LRCH1: variants seen among roughly 807,000 people sequenced by gnomAD.
LRCH1 encodes leucine-rich repeat and calponin homology domain-containing protein 1.
Under a neutral mutation model 94.9 loss-of-function variants are expected in LRCH1, and 23 were observed. That is an observed-to-expected ratio of 0.24 (90% confidence interval 0.17 to 0.34). The LOEUF is 0.34. LRCH1 is among the 10% of genes least tolerant of loss of function. The pLI is 1.00. For synonymous variants in LRCH1, 364 were observed against 354.9 expected (o/e 1.03, Z -0.29); for missense variants, 790 against 945.9 (o/e 0.84, Z 2.16).
intron 4 of LRCH1, 119 bp downstream of exon 4, chr13:46,681,965 T>TGTGTGTGTGC (rs1188518112): frequency 4.1e-5 from 26 of 639,138 alleles, no homozygotes; most frequent in Non-Finnish European, 5.2e-5. Flanking sequence ...TGTGTGTGTG[T>TGTGTGTGTGC]GCCTACTACT....
chr13:46,696,731 A>C (rs1372301505), intron 9 of LRCH1, among the ~76,000 whole-genome samples: 1 of 152,186 alleles, frequency 6.6e-6, no homozygotes, highest in Non-Finnish European at 1.5e-5. Flanking sequence ...TGTGCTTGAA[A>C]ATCAGGCCCG....
At chr13:46,731,997 C>G (rs1873133699) in intron 18 of LRCH1, among the ~76,000 whole-genome samples, 1 of 152,184 alleles carries the variant, frequency 6.6e-6, no homozygotes, top group South Asian at 2.1e-4. Flanking sequence ...CTTTAGGTTG[C>G]TAATATTTCC....
chr13:46,613,346 C>A (rs1271065891), intron 1 of LRCH1, among the ~76,000 whole-genome samples: 2 of 151,248 alleles, frequency 1.3e-5, no homozygotes, highest in African/African-American at 2.4e-5. Context: ...GCCAAGATTG[C>A]GGCTGCACTC....
At chr13:46,580,059 C>T (rs987214670) in intron 1 of LRCH1, among the ~76,000 whole-genome samples, 1 of 152,188 alleles carries the variant, frequency 6.6e-6, no homozygotes, top group African/African-American at 2.4e-5. Flanking sequence ...TTGGCATGAA[C>T]ATTTCTTTTG....
rs185597912 is a variant in LRCH1, at chr13:46,587,348, C to T, written c.307+33645C>T. On this transcript the variant is annotated intron_variant, in intron 1 of 19. Transcript: ENST00000389797. ...TTGCATTACAAATAGAGTGTGCAAA[C>T]AATAGTACTGATTAAGTGACAAATG... is the stretch of plus-strand genomic sequence containing the variant. 2.7e-4 allele frequency among the ~76,000 whole-genome samples: 41 copies of T among 152,236 alleles called. 1 individual carries two copies. The highest frequency in any genetic ancestry group is 2.3e-3 in the Admixed American group (35 of 15,298).
At position 46,603,617 on chromosome 13, in the gene LRCH1, G is replaced by A. The variant is rs549059095; in HGVS notation, c.308-46584G>A. On this transcript the variant is annotated intron_variant, in intron 1 of 19. Transcript: ENST00000389797. ...TTTAAGCATTGGTAGTTTTAAACAT[G>A]CTGTTTAAAAACAATTTTAAATTTA... Among the ~76,000 whole-genome samples the A allele has an allele frequency of 4.6e-5, 7 of 152,258 alleles. No individual in the cohort carries two copies. The South Asian group carries it at 1.5e-3, about 32-fold the overall frequency.
chr13:46,685,958 G>C lies in LRCH1; in HGVS notation c.739G>C (p.Val247Leu), dbSNP rs200659308. 2 of 1,610,594 alleles carry C rather than the reference G, an allele frequency of 1.2e-6. No homozygotes were observed. Among genetic ancestry groups the C allele is most frequent in the East Asian group, 2.2e-5 (1 of 44,754 alleles). The change falls in exon 5 of 20, where the codon GTG becomes CTG. Residue 247 changes from valine to leucine, a missense_variant. Coordinates refer to ENST00000389797, the MANE Select transcript of LRCH1 (RefSeq NM_001164211.2). Reference protein sequence around the residue: ...KFDFSCNKVLVIPICFREMKQ... With the variant: ...KFDFSCNKVLLIPICFREMKQ... ...TGACTTTTCCTGCAACAAAGTGCTC[G>C]TGATTCCAATTTGTTTTAGAGAGAT... is the stretch of plus-strand genomic sequence containing the variant.
chr13:46,711,811 A>G lies in LRCH1; in HGVS notation c.1548A>G (p.Leu516=), dbSNP rs1872077840. ...TTAAGGTGCAAAGTGATCTAACATT[A>G]CAGAGTAACGGGAGCCAGTATTCTC... ...PVCEVQSDLT[L]QSNGSQYSPN... The change falls in exon 14 of 20, where the codon TTA becomes TTG. Residue 516 remains leucine, a synonymous_variant. Coordinates refer to ENST00000389797, the MANE Select transcript of LRCH1 (RefSeq NM_001164211.2). The G allele has an allele frequency of 2.5e-6, 4 of 1,613,328 alleles. No homozygotes were observed. Among genetic ancestry groups the G allele is most frequent in the African/African-American group, 1.3e-5 (1 of 75,028 alleles).
rs1481686319 is a variant in LRCH1, at chr13:46,744,467, C to G, written c.*2619C>G. ...TGACACCTAATTTCTAATCATCTTT[C>G]CTATTTATGGATTTCTGGTTTGTTA... On this transcript the variant is annotated 3_prime_UTR_variant, in exon 20 of 20. Coordinates refer to ENST00000389797, the MANE Select transcript of LRCH1 (RefSeq NM_001164211.2). 8 of 985,382 alleles carry G rather than the reference C, an allele frequency of 8.1e-6. No homozygotes were observed. The South Asian group carries it at 2.3e-4, about 29-fold the overall frequency. The allele number at this position is 985,382 out of a possible 1,614,324, so 61.0% of individuals were successfully genotyped here.
chr13:46,744,474 A>G lies in LRCH1; in HGVS notation c.*2626A>G, dbSNP rs1156462052. 2.0e-6 allele frequency: 2 copies of G among 985,214 alleles called. No homozygotes were observed. The highest frequency in any genetic ancestry group is 1.7e-5 in the African/African-American group (1 of 57,184). The allele number at this position is 985,214 out of a possible 1,614,324, so 61.0% of individuals were successfully genotyped here. Reference sequence around the variant, plus strand: ...TAATTTCTAATCATCTTTCCTATTTATGGATTTCTGGTTTGTTATTTTTAG... The same window carrying G: ...TAATTTCTAATCATCTTTCCTATTTGTGGATTTCTGGTTTGTTATTTTTAG... On this transcript the variant is annotated 3_prime_UTR_variant, in exon 20 of 20. Coordinates refer to ENST00000389797, the MANE Select transcript of LRCH1 (RefSeq NM_001164211.2).
intron 9 of LRCH1, among the ~76,000 whole-genome samples, chr13:46,696,335 A>G (rs527628024): frequency 2.6e-5 from 4 of 152,322 alleles, no homozygotes; most frequent in East Asian, 1.9e-4. Flanking sequence ...GACCCTATCT[A>G]TCAGCTCTGT....
chr13:46,692,026 C>T (rs879716430), intron 7 of LRCH1, among the ~76,000 whole-genome samples: 81 of 152,250 alleles, frequency 5.3e-4, no homozygotes, highest in African/African-American at 1.7e-3. Context: ...CTCACATGAA[C>T]GCATAGCAAG....
intron 17 of LRCH1, 61 bp from the exon 18 acceptor site, chr13:46,728,786 A>G (rs1196896191): frequency 2.7e-6 from 4 of 1,479,714 alleles, no homozygotes; most frequent in African/African-American, 1.4e-5. Context: ...CCATAAATGT[A>G]TTTTACTCAC....
At chr13:46,658,776 T>C (rs1289685238) in intron 2 of LRCH1, among the ~76,000 whole-genome samples, 2 of 152,278 alleles carry the variant, frequency 1.3e-5, no homozygotes, top group East Asian at 3.9e-4. Flanking sequence ...CCACCACACC[T>C]GGGCTAAATA....
chr13:46,553,818 A>G (rs79960506), intron 1 of LRCH1, 115 bp downstream of exon 1: 172,030 of 1,529,598 alleles, frequency 0.11, 10,306 homozygotes, highest in Middle Eastern at 0.14. Flanking sequence ...GGGAGGGTCC[A>G]TCGGCCCGTT....
At chr13:46,713,764 G>A (rs1029097151) in intron 15 of LRCH1, among the ~76,000 whole-genome samples, 3 of 152,152 alleles carry the variant, frequency 2.0e-5, no homozygotes, top group African/African-American at 4.8e-5. Flanking sequence ...TCCTTTCCAC[G>A]GTCTCAGGTG....
chr13:46,635,706 C>A (rs1020154883), intron 1 of LRCH1, among the ~76,000 whole-genome samples: 1 of 151,932 alleles, frequency 6.6e-6, no homozygotes, highest in South Asian at 2.1e-4. Flanking sequence ...CTCCTGACCT[C>A]GTGATCCACC....
At chr13:46,644,683 C>T (rs1030674294) in intron 1 of LRCH1, among the ~76,000 whole-genome samples, 2 of 152,132 alleles carry the variant, frequency 1.3e-5, no homozygotes, top group Non-Finnish European at 2.9e-5. Flanking sequence ...CAACAGGGGA[C>T]CCATTGCATA....
At chr13:46,748,832 A>T (rs1874012725), downstream of LRCH1, among the ~76,000 whole-genome samples, 1 of 152,216 alleles carries the variant, frequency 6.6e-6, no homozygotes, top group Admixed American at 6.5e-5. Flanking sequence ...ACAGGGGGCC[A>T]TCTCTTAAGG....
Sources: allele counts gnomAD v4.1 joint callset (sites outside exome capture counted in the v4.1 genomes callset), GRCh38; gene constraint gnomAD v4.1.1; transcripts MANE v1.5; gene names NCBI Gene and HGNC (gene_info 2026-07-23, HGNC 2026-07-21).